Variants in KIF23 observed in about 807,000 individuals in gnomAD.
KIF23 encodes kinesin-like protein KIF23.
A neutral mutation model predicts 137.5 loss-of-function variants in KIF23; 30 were observed. The observed-to-expected ratio is 0.22, with a 90% CI of 0.16 to 0.30. The LOEUF (loss-of-function observed/expected upper bound fraction) is 0.30, where lower values mean the gene tolerates loss of function less well. Among genes scored for constraint, KIF23 ranks in the 10% least tolerant of loss-of-function variants. The probability of loss-of-function intolerance (pLI) is 1.00; values close to 1 mark genes in which losing one functional copy is unlikely to be tolerated. For missense variants in KIF23, 920 were observed against 1,194.3 expected (o/e 0.77, Z 3.38); for synonymous variants, 367 against 391.1 (o/e 0.94, Z 0.73).
chr15:69,444,709 C>G lies in KIF23; in HGVS notation c.2422-81C>G. 2 of 1,383,252 alleles carry G rather than the reference C, an allele frequency of 1.4e-6. No individual in the cohort carries two copies. Among genetic ancestry groups the G allele is most frequent in the Non-Finnish European group, 2.0e-6 (2 of 1,005,878 alleles). 85.7% of individuals were successfully genotyped at this position (1,383,252 alleles called of 1,614,324 possible). A position where few individuals can be genotyped will look rare whatever the true frequency, so the allele number is the denominator to read the frequency against. On this transcript the variant is annotated intron_variant, in intron 19 of 23. Transcript: ENST00000679126. This position sits in a 1 kb window ranked among gnomAD's most constrained non-coding sequence, Gnocchi z 4.2. ...AGCTTTGGAAAGGTTTGCTATGATA[C>G]TGTCATCAACTAATGTAGCCAAACC... is the stretch of plus-strand genomic sequence containing the variant.
At chr15:69,418,994 G>A (rs900528245) in intron 3 of KIF23, among the ~76,000 whole-genome samples, 1 of 152,136 alleles carries the variant, frequency 6.6e-6, no homozygotes, top group Non-Finnish European at 1.5e-5. Context: ...ACGTGTGCCT[G>A]TAATCCCAGC....
At chr15:69,428,484 C>G (rs896603755) in intron 10 of KIF23, among the ~76,000 whole-genome samples, 1 of 151,296 alleles carries the variant, frequency 6.6e-6, no homozygotes, top group African/African-American at 2.4e-5. Flanking sequence ...TGGTGAAACC[C>G]TGTCTCTACC....
Position 69,414,361 on chromosome 15 carries a change from G to A in KIF23, c.-105G>A, listed in dbSNP as rs1171514532. Reference sequence around the variant, plus strand: ...CGCCGCCGGCTTCGCAGAGCACCGCGCCTTAGCCGCGAAGTTCTAGTTCTT... The same window carrying A: ...CGCCGCCGGCTTCGCAGAGCACCGCACCTTAGCCGCGAAGTTCTAGTTCTT... On this transcript the variant is annotated 5_prime_UTR_variant, in exon 1 of 24. Coordinates refer to ENST00000679126, the MANE Select transcript of KIF23 (RefSeq NM_001367805.3). 1.3e-6 allele frequency: 2 copies of A among 1,490,696 alleles called. No homozygotes were observed. The highest frequency in any genetic ancestry group is 2.6e-5 in the East Asian group (1 of 38,810). The allele number at this position is 1,490,696 out of a possible 1,614,324, so 92.3% of individuals were successfully genotyped here.
In KIF23 at chr15:69,448,384, T is replaced by C. The variant is rs977690229; in HGVS notation, c.*577T>C. The C allele has an allele frequency of 6.6e-6, 1 of 152,512 alleles. No homozygotes were observed. The highest frequency in any genetic ancestry group is 1.5e-5 in the Non-Finnish European group (1 of 68,040). The allele number at this position is 152,512 out of a possible 1,614,324, so 9.4% of individuals were successfully genotyped here. ...ATGTATATATTCACTTTCTGACATTTAGATATGCCAAAAGAATTAAAATCA... is the reference window on the plus strand; with the variant it reads ...ATGTATATATTCACTTTCTGACATTCAGATATGCCAAAAGAATTAAAATCA... On this transcript the variant is annotated 3_prime_UTR_variant, in exon 24 of 24. Transcript: ENST00000679126.
chr15:69,422,850 G>T, intron 6 of KIF23: 1 of 279,582 alleles, frequency 3.6e-6, no homozygotes, highest in Non-Finnish European at 6.7e-6. Flanking sequence ...GCCCAGGGTG[G>T]AGTGCAGTGG....
chr15:69,430,360 T>G (rs2057326024), intron 11 of KIF23, among the ~76,000 whole-genome samples: 1 of 152,240 alleles, frequency 6.6e-6, no homozygotes, highest in Non-Finnish European at 1.5e-5. Flanking sequence ...TTGTGTTTTA[T>G]GTTAATAAAC....
Position 69,444,700 on chromosome 15 carries a change from G to C in KIF23, c.2422-90G>C. The stretch of plus-strand genomic sequence containing the variant: ...AAAATATTTAGCTTTGGAAAGGTTT[G>C]CTATGATACTGTCATCAACTAATGT... On this transcript the variant is annotated intron_variant, in intron 19 of 23. Coordinates refer to ENST00000679126, the MANE Select transcript of KIF23 (RefSeq NM_001367805.3). This position sits in a 1 kb window ranked among gnomAD's most constrained non-coding sequence, Gnocchi z 4.2. 1.5e-6 allele frequency: 2 copies of C among 1,304,450 alleles called. No homozygotes were observed. Among genetic ancestry groups the C allele is most frequent in the Non-Finnish European group, 2.1e-6 (2 of 945,484 alleles). The allele number at this position is 1,304,450 out of a possible 1,614,324, so 80.8% of individuals were successfully genotyped here.
At position 69,423,255 on chromosome 15, in the gene KIF23, C is replaced by G. The variant is rs73426072; in HGVS notation, c.660C>G (p.Val220=). 1.3e-6 allele frequency: 2 copies of G among 1,587,656 alleles called. No individual in the cohort carries two copies. Among genetic ancestry groups the G allele is most frequent in the South Asian group, 2.2e-5 (2 of 89,114 alleles). The part of the protein sequence containing the change: ...VDEDSVYGVF[V]SYIEIYNNYI... ...AAGATAGTGTCTATGGTGTATTTGT[C>G]TCTTATATTGAAATATATAATAATT... is the stretch of plus-strand genomic sequence containing the variant. Residue 220 remains valine, a synonymous_variant, in exon 7 of 24, where the codon GTC becomes GTG. Transcript: ENST00000679126.
At chr15:69,447,159 G>A (rs2057758027) in intron 23 of KIF23, among the ~76,000 whole-genome samples, 1 of 152,234 alleles carries the variant, frequency 6.6e-6, no homozygotes, top group Admixed American at 6.5e-5. Context: ...AGAGCTGCAA[G>A]GCAGGCGGTG....
intron 7 of KIF23, 69 bp from the exon 8 acceptor site, chr15:69,425,213 C>A: frequency 8.4e-7 from 1 of 1,189,200 alleles, no homozygotes; most frequent in Non-Finnish European, 1.2e-6. Flanking sequence ...GTCACATAGT[C>A]TGGACTGAAC....
chr15:69,427,786 A>G (rs1308005958), intron 10 of KIF23, among the ~76,000 whole-genome samples: 1 of 152,232 alleles, frequency 6.6e-6, no homozygotes, highest in Non-Finnish European at 1.5e-5. Context: ...ATGAAGATTT[A>G]TAAGTGGCAG....
At chr15:69,427,601 G>A in intron 10 of KIF23, 1 of 380,404 alleles carries the variant, frequency 2.6e-6, no homozygotes, top group South Asian at 2.0e-5. Flanking sequence ...TTCATCTCTT[G>A]GTCGATAGGC....
At chr15:69,447,473 T>C (rs894443475) in intron 23 of KIF23, among the ~76,000 whole-genome samples, 1 of 152,124 alleles carries the variant, frequency 6.6e-6, no homozygotes, top group African/African-American at 2.4e-5. Flanking sequence ...AATCCCTTCT[T>C]TACAAATACA....
chr15:69,430,642 G>C (rs1275817361), intron 11 of KIF23, among the ~76,000 whole-genome samples: 2 of 152,228 alleles, frequency 1.3e-5, no homozygotes, highest in Admixed American at 1.3e-4. Context: ...GAGATACTAT[G>C]GCAGAGTCAA....
rs572927186 is a variant in KIF23 at position 69,444,333 on chromosome 15, A to T, written c.2422-457A>T. The T allele has an allele frequency of 6.5e-6, 1 of 153,850 alleles. No individual in the cohort carries two copies. The highest frequency in any genetic ancestry group is 1.4e-5 in the Non-Finnish European group (1 of 69,316). The allele number at this position is 153,850 out of a possible 1,614,324, so 9.5% of individuals were successfully genotyped here. A position where few individuals can be genotyped will look rare whatever the true frequency, so the allele number is the denominator to read the frequency against. On this transcript the variant is annotated intron_variant, in intron 19 of 23. Transcript: ENST00000679126. This position sits in a 1 kb window ranked among gnomAD's most constrained non-coding sequence, Gnocchi z 4.2. ...TAATCATTTTATTCATATGGTTCTT[A>T]TTATACCTATGTTCTTAGGATTGTT...
chr15:69,439,617 A>T (rs774479307), intron 16 of KIF23, among the ~76,000 whole-genome samples: 2 of 152,170 alleles, frequency 1.3e-5, no homozygotes, highest in African/African-American at 4.8e-5. Context: ...TAGTTTTTTT[A>T]AATTCTGAAA....
At chr15:69,433,934 C>G (rs2057413140) in intron 11 of KIF23, among the ~76,000 whole-genome samples, 1 of 152,040 alleles carries the variant, frequency 6.6e-6, no homozygotes, top group Admixed American at 6.6e-5. Flanking sequence ...AGTGTTTTTC[C>G]ACATTTCCCT....
At chr15:69,447,731 T>C in intron 23 of KIF23, 61 bp from the exon 24 acceptor site, 1 of 1,531,746 alleles carries the variant, frequency 6.5e-7, no homozygotes, top group South Asian at 1.2e-5. Context: ...AAAGATTGAT[T>C]TGCTATGAAT....
At chr15:69,433,769 G>A (rs1220962213) in intron 11 of KIF23, among the ~76,000 whole-genome samples, 1 of 151,742 alleles carries the variant, frequency 6.6e-6, no homozygotes, top group Non-Finnish European at 1.5e-5. Context: ...CCACATAAAA[G>A]GTAGCAGCAC....
Sources: gnomAD v4.1 joint callset for allele counts (sites outside exome capture counted in the v4.1 genomes callset) on GRCh38, gnomAD v4.1.1 for gene constraint, Gnocchi (gnomAD v3.1) non-coding constraint, MANE v1.5 for transcripts, NCBI Gene and HGNC (gene_info 2026-07-23, HGNC 2026-07-21) for gene names.